Variants in ANK2 observed in about 807,000 individuals in gnomAD.
ANK2 encodes the protein ankyrin 2.
A neutral mutation model predicts 360.5 loss-of-function variants in ANK2; 83 were observed. The ratio of observed to expected loss-of-function variants is 0.23; its 90% confidence interval spans 0.19 to 0.28. The LOEUF (loss-of-function observed/expected upper bound fraction) is 0.28, where lower values mean the gene tolerates loss of function less well. Among genes scored for constraint, ANK2 ranks in the 10% least tolerant of loss-of-function variants. The pLI is 1.00. For synonymous variants in ANK2, 1,740 were observed against 1,759.5 expected (o/e 0.99, Z 0.28); for missense variants, 4,201 against 4,795.7 (o/e 0.88, Z 3.66).
At chr4:112,773,293 G>A in the ANK2 span, among the ~76,000 whole-genome samples, 1 of 152,174 alleles carries the variant, frequency 6.6e-6, no homozygotes, top group Admixed American at 6.5e-5. Context: ...CTCCAGCCTG[G>A]ATGACGGAGT....
chr4:113,181,749 C>G (rs2098420002), intron 2 of ANK2, among the ~76,000 whole-genome samples: 1 of 152,004 alleles, frequency 6.6e-6, no homozygotes, highest in Admixed American at 6.6e-5. Context: ...GAGAACCGCA[C>G]AGAAGGAGCA....
intron 2 of ANK2, among the ~76,000 whole-genome samples, chr4:112,946,244 T>C (rs186475110): frequency 6.6e-6 from 1 of 152,040 alleles, no homozygotes; most frequent in Non-Finnish European, 1.5e-5. Context: ...AAGGAGCCCA[T>C]GTCAACAGAG....
Position 113,381,640 on chromosome 4 carries a change from A to T in ANK2, c.*169A>T. On this transcript the variant is annotated 3_prime_UTR_variant, in exon 46 of 46. Transcript: ENST00000357077. ...AGGACTTGAAGCAAGAGGCCAAGTG[A>T]GGGGCTGCCCAGTTCTCACACCAGA... 6.5e-7 allele frequency: 1 copy of T among 1,547,956 alleles called. No homozygotes were observed. The highest frequency in any genetic ancestry group is 8.7e-7 in the Non-Finnish European group (1 of 1,147,374).
intron 5 of ANK2, 149 bp downstream of exon 5, chr4:113,232,408 A>G (rs1004408371): frequency 5.9e-6 from 4 of 679,010 alleles, no homozygotes; most frequent in Non-Finnish European, 1.0e-5. Flanking sequence ...CTGTGAACAA[A>G]TGACTCAGGC....
At chr4:112,724,080 T>C in the ANK2 span, among the ~76,000 whole-genome samples, 1 of 151,638 alleles carries the variant, frequency 6.6e-6, no homozygotes, top group African/African-American at 2.4e-5. Context: ...TTTTTTTTTT[T>C]TGGAGACAGA....
the ANK2 span, among the ~76,000 whole-genome samples, chr4:112,758,603 C>T: frequency 2.0e-5 from 3 of 151,940 alleles, no homozygotes; most frequent in Admixed American, 6.6e-5. Context: ...TTAGTAGAGA[C>T]GGGGTTTCAC....
the ANK2 span, among the ~76,000 whole-genome samples, chr4:112,745,682 C>G: frequency 2.6e-5 from 4 of 151,972 alleles, no homozygotes; most frequent in Non-Finnish European, 5.9e-5. Context: ...TATAGGCACC[C>G]ACCACCATGC....
At chr4:112,912,113 T>C (rs2087763090) in intron 2 of ANK2, among the ~76,000 whole-genome samples, 1 of 151,326 alleles carries the variant, frequency 6.6e-6, no homozygotes, top group African/African-American at 2.4e-5. Context: ...GGAGGTGGAG[T>C]TTGCAGTGAG....
intron 1 of ANK2, among the ~76,000 whole-genome samples, chr4:112,872,864 A>T (rs10004206): frequency 0.017 from 2,544 of 150,560 alleles, 63 homozygotes; most frequent in African/African-American, 0.052. Context: ...TGTGAAAAAA[A>T]TTTTTTTTTT....
At chr4:113,256,053 T>C (rs2049137169) in intron 11 of ANK2, 121 bp downstream of exon 11, 4 of 1,213,396 alleles carry the variant, frequency 3.3e-6, no homozygotes. Context: ...TCCTGCTAAA[T>C]TTGTCATCCT....
At chr4:112,880,436 G>A (rs758135400) in intron 1 of ANK2, 6 of 152,122 alleles carry the variant, frequency 3.9e-5, no homozygotes, top group African/African-American at 9.7e-5. Flanking sequence ...TAGTACCTGC[G>A]AACACTTCTA....
At chr4:112,956,957 G>A (rs1345371216) in intron 2 of ANK2, among the ~76,000 whole-genome samples, 2 of 143,720 alleles carry the variant, frequency 1.4e-5, no homozygotes, top group Admixed American at 6.9e-5. Context: ...TTTTATTGAC[G>A]TTGTCTCTTA....
At chr4:112,733,924 G>A in the ANK2 span, among the ~76,000 whole-genome samples, 5 of 152,040 alleles carry the variant, frequency 3.3e-5, no homozygotes, top group East Asian at 1.9e-4. Flanking sequence ...ACAGCTGCCC[G>A]CCACCACACC....
chr4:112,745,696 G>A, the ANK2 span, among the ~76,000 whole-genome samples: 3 of 151,980 alleles, frequency 2.0e-5, no homozygotes, highest in African/African-American at 7.2e-5. Flanking sequence ...ACCATGCCTG[G>A]CTAATTTTTG....
intron 14 of ANK2, among the ~76,000 whole-genome samples, chr4:113,271,496 A>ACACACACC (rs2058493966): frequency 6.6e-6 from 1 of 151,894 alleles, no homozygotes. Context: ...ACACACACAC[A>ACACACACC]CACACACTTT....
intron 1 of ANK2, among the ~76,000 whole-genome samples, chr4:112,834,268 A>G (rs1270732374): frequency 2.0e-5 from 3 of 152,212 alleles, no homozygotes; most frequent in East Asian, 3.8e-4. Flanking sequence ...TTTGGTGGTT[A>G]TATTTAAAAA....
At chr4:113,134,281 C>CTTTTT (rs5861124) in intron 1 of ANK2, among the ~76,000 whole-genome samples, 6 of 86,114 alleles carry the variant, frequency 7.0e-5, no homozygotes, top group Admixed American at 1.3e-4. Context: ...TGAAAGTTGT[C>CTTTTT]TTTTTTTTTT....
chr4:113,315,773 C>A (rs925252984), intron 24 of ANK2, among the ~76,000 whole-genome samples: 1 of 151,872 alleles, frequency 6.6e-6, no homozygotes, highest in Non-Finnish European at 1.5e-5. Flanking sequence ...GTGGCAGGCG[C>A]CTGTAGTCCC....
chr4:113,354,134 C>A lies in ANK2; in HGVS notation c.5516C>A (p.Thr1839Asn), dbSNP rs1476713131. 1.2e-6 allele frequency: 2 copies of A among 1,614,028 alleles called. No homozygotes were observed. The highest frequency in any genetic ancestry group is 4.5e-5 in the East Asian group (2 of 44,900). The change falls in exon 38 of 46, where the codon ACT (threonine) becomes AAT (asparagine). Residue 1839 changes from threonine to asparagine, a missense_variant. Around this residue, in one of 4 missense-constraint regions of ANK2, gnomAD observed 2,642 missense variants for 2,714.5 expected, o/e 0.97. Transcript: ENST00000357077. Reference protein sequence around the residue: ...RHSTLSSSAKTERHPPVSPSS... With the variant: ...RHSTLSSSAKNERHPPVSPSS... ...TCTACTCTTTCCTCTTCCGCAAAAA[C>A]TGAAAGGCACCCTCCAGTATCACCA...
Sources: allele counts gnomAD v4.1 joint callset (sites outside exome capture counted in the v4.1 genomes callset), GRCh38; gene constraint gnomAD v4.1.1; regional missense constraint gnomAD v4.1.1; transcripts MANE v1.5; gene names NCBI Gene and HGNC (gene_info 2026-07-23, HGNC 2026-07-21).